Variants in SCAF1 observed in about 807,000 individuals in gnomAD.
SCAF1 encodes the protein splicing factor, arginine/serine-rich 19.
A neutral mutation model predicts 91.2 loss-of-function variants in SCAF1; 28 were observed. That is an observed-to-expected ratio of 0.31 (90% CI 0.23 to 0.42). The LOEUF is 0.42. SCAF1 is among the 10% of genes least tolerant of loss of function. The pLI is 1.00. For missense variants in SCAF1, 1,893 were observed against 1,872.1 expected (o/e 1.01, Z -0.21); for synonymous variants, 1,036 against 833.7 (o/e 1.24, Z -4.18).
In SCAF1 at chr19:49,653,533, C is replaced by T. The variant is rs925608434; in HGVS notation, c.3144C>T (p.Thr1048=). The T allele has an allele frequency of 3.2e-6, 5 of 1,579,754 alleles. No individual in the cohort carries two copies. Among genetic ancestry groups the T allele is most frequent in the Non-Finnish European group, 4.3e-6 (5 of 1,167,162 alleles). The change falls in exon 7 of 11, where the codon ACC becomes ACT. Residue 1048 remains threonine, a synonymous_variant. Transcript: ENST00000360565. ...EEQQPATTTA[T]STAAAAPSTA... ...AGCAGCCTGCTACCACCACGGCCACCAGCACTGCTGCAGCCGCCCCAAGCA... is the reference window on the plus strand; with the variant it reads ...AGCAGCCTGCTACCACCACGGCCACTAGCACTGCTGCAGCCGCCCCAAGCA...
At position 49,646,669 on chromosome 19, in the gene SCAF1, G is replaced by A. The variant is rs1006827996; in HGVS notation, c.362+43G>A. The A allele has an allele frequency of 1.2e-6, 2 of 1,612,590 alleles. No individual in the cohort carries two copies. Among genetic ancestry groups the A allele is most frequent in the Non-Finnish European group, 1.7e-6 (2 of 1,178,660 alleles). On this transcript the variant is annotated intron_variant, in intron 5 of 10. Transcript: ENST00000360565. The surrounding 1 kb of genome is among the most constrained non-coding windows in gnomAD (Gnocchi z 5.6). ...TGGAGTGGGAGAGGCCTCAGCGTGAGAGCCAGAAGCACCCCTGAGGCTCAC... is the reference window on the plus strand; with the variant it reads ...TGGAGTGGGAGAGGCCTCAGCGTGAAAGCCAGAAGCACCCCTGAGGCTCAC...
At chr19:49,642,112 C>T (rs1047668509), upstream of SCAF1, 1 of 152,376 alleles carries the variant, frequency 6.6e-6, no homozygotes, top group South Asian at 2.1e-4. This position sits in a 1 kb window ranked among gnomAD's most constrained non-coding sequence, Gnocchi z 4.0. Flanking sequence ...TTCACGTCGC[C>T]GTGCTCGGTA....
intron 6 of SCAF1, among the ~76,000 whole-genome samples, chr19:49,647,349 A>G (rs2081061516): frequency 6.6e-6 from 1 of 152,240 alleles, no homozygotes; most frequent in Non-Finnish European, 1.5e-5. Flanking sequence ...CGCACATCTC[A>G]GTTGCAAGGA....
In SCAF1 at chr19:49,654,401, G is replaced by T. The variant is rs1478581307; in HGVS notation, c.3369G>T (p.Lys1123Asn). The part of the protein sequence containing the change: ...MEEANLASRA[K>N]AQELIQATNQ... Reference sequence around the variant, plus strand: ...AAGCCAACCTGGCGAGCCGAGCGAAGGCCCAGGAGCTGATCCAGGCCACCA... The same window carrying T: ...AAGCCAACCTGGCGAGCCGAGCGAATGCCCAGGAGCTGATCCAGGCCACCA... The change falls in exon 8 of 11, where the codon AAG (lysine) becomes AAT (asparagine). Residue 1123 changes from lysine to asparagine, a missense_variant. Lys to Asn is a moderately conservative substitution (Grantham distance 94, BLOSUM62 0). Around this residue, in one of 5 missense-constraint regions of SCAF1, gnomAD observed 1,436 missense variants for 1,306.8 expected, o/e 1.10. Coordinates refer to ENST00000360565, the MANE Select transcript of SCAF1 (RefSeq NM_021228.3). 1 of 1,613,558 alleles carries T rather than the reference G, an allele frequency of 6.2e-7. No homozygotes were observed. Among genetic ancestry groups the T allele is most frequent in the Admixed American group, 1.7e-5 (1 of 60,020 alleles).
chr19:49,651,186 C>T lies in SCAF1; in HGVS notation c.797C>T (p.Ser266Leu). The T allele has an allele frequency of 6.2e-7, 1 of 1,613,394 alleles. No individual in the cohort carries two copies. The highest frequency in any genetic ancestry group is 8.5e-7 in the Non-Finnish European group (1 of 1,179,870). Reference sequence around the variant, plus strand: ...CCCAGCTCATCAGCGGGGACCCCCTCACCTGAGGAGGAAGAGGAGGAGGAA... The same window carrying T: ...CCCAGCTCATCAGCGGGGACCCCCTTACCTGAGGAGGAAGAGGAGGAGGAA... The part of the protein sequence containing the change: ...SNPSSSAGTP[S>L]PEEEEEEEEE... Residue 266 changes from serine to leucine, a missense_variant, in exon 7 of 11, where the codon TCA becomes TTA. Physicochemically the swap from Ser to Leu is moderately radical, Grantham distance 145. This residue lies in a region of SCAF1 where 80 missense variants were observed against 116.6 expected (regional missense o/e 0.69). Transcript: ENST00000360565.
Position 49,654,768 on chromosome 19 carries a change from G to T in SCAF1, c.3516G>T (p.Leu1172=), listed in dbSNP as rs1231118015. The T allele has an allele frequency of 1.9e-6, 3 of 1,613,332 alleles. No individual in the cohort carries two copies. The highest frequency in any genetic ancestry group is 8.5e-7 in the Non-Finnish European group (1 of 1,179,808). ...SSYLLPGSLP[L]GGCGSTPPTP... Reference sequence around the variant, plus strand: ...ACCTGCTTCCTGGCAGCCTCCCTCTGGGGGGCTGCGGTTCGACCCCCCCCA... The same window carrying T: ...ACCTGCTTCCTGGCAGCCTCCCTCTTGGGGGCTGCGGTTCGACCCCCCCCA... The change falls in exon 9 of 11, where the codon CTG becomes CTT. Residue 1172 remains leucine, a synonymous_variant. Transcript: ENST00000360565.
At chr19:49,657,944 G>C (rs1013868490) in intron 10 of SCAF1, 55 bp downstream of exon 10, 2 of 1,588,550 alleles carry the variant, frequency 1.3e-6, no homozygotes, top group African/African-American at 2.7e-5. Flanking sequence ...GAGCTGGAGG[G>C]ACAGATGTGT....
Position 49,652,692 on chromosome 19 carries a change from C to G in SCAF1, c.2303C>G (p.Ser768Cys). The change falls in exon 7 of 11, where the codon TCT becomes TGT. Residue 768 changes from serine (S) to cysteine (C), a missense_variant. Coordinates refer to ENST00000360565, the MANE Select transcript of SCAF1 (RefSeq NM_021228.3). Reference sequence around the variant, plus strand: ...TCCTCCTCTTCCCGGGAGAAGGGGTCTCGTCGGAAGGCGCTGGACGGGGGT... The same window carrying G: ...TCCTCCTCTTCCCGGGAGAAGGGGTGTCGTCGGAAGGCGCTGGACGGGGGT... ...SSSSSSREKG[S>C]RRKALDGGDR... The G allele has an allele frequency of 6.4e-7, 1 of 1,572,146 alleles. No homozygotes were observed.
Position 49,652,643 on chromosome 19 carries a change from C to A in SCAF1, c.2254C>A (p.Arg752Ser). The stretch of plus-strand genomic sequence containing the variant: ...CGGCAAGAGCAGCCAGAAGGATCGG[C>A]GCCGCTCGGGGGCCGCCTCCTCCTC... Reference protein sequence around the residue: ...RGGKSSQKDRRRSGAASSSSS... With the variant: ...RGGKSSQKDRSRSGAASSSSS... Residue 752 changes from arginine to serine, a missense_variant, in exon 7 of 11, where the codon CGC (arginine) becomes AGC (serine). Around this residue, in one of 5 missense-constraint regions of SCAF1, gnomAD observed 1,436 missense variants for 1,306.8 expected, o/e 1.10. Coordinates refer to ENST00000360565, the MANE Select transcript of SCAF1 (RefSeq NM_021228.3). 1 of 1,559,796 alleles carries A rather than the reference C, an allele frequency of 6.4e-7. No homozygotes were observed. The highest frequency in any genetic ancestry group is 1.2e-5 in the South Asian group (1 of 85,284).
intron 1 of SCAF1, among the ~76,000 whole-genome samples, chr19:49,643,594 C>T (rs2081038975): frequency 6.6e-6 from 1 of 152,154 alleles, no homozygotes; most frequent in African/African-American, 2.4e-5. Context: ...AAGCCTGGTG[C>T]TTTCTAAATG....
At position 49,646,982 on chromosome 19, in the gene SCAF1, C is replaced by T. The variant is rs2081059449; in HGVS notation, c.478+152C>T. ...ACGTGATTAAGGCTGTAGGCGCATA[C>T]AGATGTACATAAAGTAAAAACTGAT... On this transcript the variant is annotated intron_variant, in intron 6 of 10. Transcript: ENST00000360565. This position sits in a 1 kb window ranked among gnomAD's most constrained non-coding sequence, Gnocchi z 5.6. The T allele has an allele frequency of 3.1e-6, 2 of 647,564 alleles. No homozygotes were observed. The highest frequency in any genetic ancestry group is 5.3e-6 in the Non-Finnish European group (2 of 379,512). The allele number at this position is 647,564 out of a possible 1,614,324, so 40.1% of individuals were successfully genotyped here.
In SCAF1 at chr19:49,645,464, T is replaced by G. The variant is rs2081049716; in HGVS notation, c.166+53T>G. On this transcript the variant is annotated intron_variant, in intron 3 of 10. Coordinates refer to ENST00000360565, the MANE Select transcript of SCAF1 (RefSeq NM_021228.3). This position sits in a 1 kb window ranked among gnomAD's most constrained non-coding sequence, Gnocchi z 4.6. Reference sequence around the variant, plus strand: ...CCCTGCCCCCTCTCTGCATTCTTTATCCTAATGTCATTCATACAAGCTTTT... The same window carrying G: ...CCCTGCCCCCTCTCTGCATTCTTTAGCCTAATGTCATTCATACAAGCTTTT... 14 of 1,552,342 alleles carry G rather than the reference T, an allele frequency of 9.0e-6. No individual in the cohort carries two copies. Among genetic ancestry groups the G allele is most frequent in the Non-Finnish European group, 1.2e-5 (14 of 1,138,662 alleles).
chr19:49,656,169 C>T (rs1217192110), intron 9 of SCAF1, among the ~76,000 whole-genome samples: 1 of 125,192 alleles, frequency 8.0e-6, no homozygotes, highest in East Asian at 2.1e-4. Flanking sequence ...ACGGTGAGGA[C>T]CCCCTGGTCT....
At position 49,651,861 on chromosome 19, in the gene SCAF1, G is replaced by T; in HGVS notation, c.1472G>T (p.Arg491Leu). 8.0e-7 allele frequency: 1 copy of T among 1,243,584 alleles called. No homozygotes were observed. 77.0% of individuals were successfully genotyped at this position (1,243,584 alleles called of 1,614,324 possible). The change falls in exon 7 of 11, where the codon CGG (arginine) becomes CTG (leucine). Residue 491 changes from arginine (R) to leucine (L), a missense_variant. By Grantham distance (102) the Arg-to-Leu change is moderately radical. Transcript: ENST00000360565. ...CGCCGCAAGATCCTGACCCAACGGC[G>T]GGAGCGCTACCGCCAGCGCTCGCCC... ...DLRRKILTQR[R>L]ERYRQRSPSP... is the part of the protein sequence containing the mutation.
intron 7 of SCAF1, among the ~76,000 whole-genome samples, chr19:49,654,063 G>A (rs1415866427): frequency 8.5e-5 from 13 of 152,158 alleles, no homozygotes; most frequent in Admixed American, 8.5e-4. Flanking sequence ...GAGAGGTTGG[G>A]ACTGGCCACA....
Position 49,652,093 on chromosome 19 carries a change from G to A in SCAF1, c.1704G>A (p.Ser568=), listed in dbSNP as rs1415397856. The change falls in exon 7 of 11, where the codon TCG becomes TCA. Residue 568 remains serine (S), a synonymous_variant. Coordinates refer to ENST00000360565, the MANE Select transcript of SCAF1 (RefSeq NM_021228.3). ...GCAAGCCCGGCTCCCACGCCTCGTCGTCCGCCCGCCGCCGCTCCCGCTCCC... is the reference window on the plus strand; with the variant it reads ...GCAAGCCCGGCTCCCACGCCTCGTCATCCGCCCGCCGCCGCTCCCGCTCCC... ...RDRKPGSHAS[S]SARRRSRSRS... 3.4e-6 allele frequency: 4 copies of A among 1,163,510 alleles called. No individual in the cohort carries two copies. The highest frequency in any genetic ancestry group is 1.8e-5 in the South Asian group (1 of 55,916). 72.1% of individuals were successfully genotyped at this position (1,163,510 alleles called of 1,614,324 possible).
chr19:49,654,322 ATGT>A, intron 7 of SCAF1, 24 bp from the exon 8 acceptor site: 1 of 1,604,778 alleles, frequency 6.2e-7, no homozygotes. Flanking sequence ...TCCCATCTTC[ATGT>A]TGTCACCTCT....
rs1269589332 is a variant in SCAF1 at position 49,646,995 on chromosome 19, A to G, written c.478+165A>G. 6.6e-6 allele frequency among the ~76,000 whole-genome samples: 1 copy of G among 152,250 alleles called. No homozygotes were observed. The highest frequency in any genetic ancestry group is 1.5e-5 in the Non-Finnish European group (1 of 68,050). ...TGTAGGCGCATACAGATGTACATAAAGTAAAAACTGATGTGCTGGGGCTAT... is the reference window on the plus strand; with the variant it reads ...TGTAGGCGCATACAGATGTACATAAGGTAAAAACTGATGTGCTGGGGCTAT... On this transcript the variant is annotated intron_variant, in intron 6 of 10. Transcript: ENST00000360565. This position sits in a 1 kb window ranked among gnomAD's most constrained non-coding sequence, Gnocchi z 5.6.
At position 49,646,851 on chromosome 19, in the gene SCAF1, G is replaced by A. The variant is rs1359124296; in HGVS notation, c.478+21G>A. 6.3e-7 allele frequency: 1 copy of A among 1,586,498 alleles called. No homozygotes were observed. The highest frequency in any genetic ancestry group is 8.6e-7 in the Non-Finnish European group (1 of 1,162,880). On this transcript the variant is annotated intron_variant, in intron 6 of 10. Transcript: ENST00000360565. The surrounding 1 kb of genome is among the most constrained non-coding windows in gnomAD (Gnocchi z 5.6). ...AACGGGTATGTGGGGCCAGGGCGGA[G>A]CTGGGCAGGTGGTCGTGGAGTTGTG... is the stretch of plus-strand genomic sequence containing the variant.
Sources: allele counts gnomAD v4.1 joint callset (sites outside exome capture counted in the v4.1 genomes callset), GRCh38; gene constraint gnomAD v4.1.1; regional missense constraint gnomAD v4.1.1; non-coding constraint Gnocchi (gnomAD v3.1); transcripts MANE v1.5; gene names NCBI Gene and HGNC (gene_info 2026-07-23, HGNC 2026-07-21).